The following CLASP1 variants were observed in gnomAD, a reference collection of about 807,000 sequenced individuals.
CLASP1 encodes the protein cytoplasmic linker associated protein 1.
A neutral mutation model predicts 192.3 loss-of-function variants in CLASP1; 38 were observed. That is an observed-to-expected ratio of 0.20 (90% CI 0.15 to 0.26). The LOEUF (loss-of-function observed/expected upper bound fraction) is 0.26. Among genes scored for constraint, CLASP1 ranks in the 10% least tolerant of loss-of-function variants. The pLI, the probability that CLASP1 is intolerant of heterozygous loss-of-function variation, is 1.00. For missense variants in CLASP1, 1,433 were observed against 1,932.5 expected (o/e 0.74, Z 4.85); for synonymous variants, 691 against 712.8 (o/e 0.97, Z 0.49).
chr2:121,623,623 T>C (rs1576549835), intron 1 of CLASP1, among the ~76,000 whole-genome samples: 1 of 152,360 alleles, frequency 6.6e-6, no homozygotes, highest in East Asian at 1.9e-4. Flanking sequence ...CTTCTTTAAA[T>C]ATTTGGTAGA....
At chr2:121,503,326 C>T in intron 7 of CLASP1, 92 bp from the exon 8 acceptor site, 1 of 736,254 alleles carries the variant, frequency 1.4e-6, no homozygotes, top group South Asian at 1.7e-5. Flanking sequence ...TCCCCACTCC[C>T]CATCAAAAAA....
At chr2:121,594,843 G>GA (rs1241116867) in intron 2 of CLASP1, among the ~76,000 whole-genome samples, 6 of 152,106 alleles carry the variant, frequency 3.9e-5, no homozygotes, top group Non-Finnish European at 5.9e-5. Flanking sequence ...TAATAATAGA[G>GA]AAAACAAGAC....
exon 40 of CLASP1, chr2:121,340,756 T>A: frequency 1.3e-6 from 1 of 752,954 alleles, no homozygotes; most frequent in Non-Finnish European, 2.2e-6. Flanking sequence ...TAAATATTTG[T>A]GGGCCTCCTT....
At chr2:121,464,340 T>C (rs919670758) in intron 9 of CLASP1, among the ~76,000 whole-genome samples, 10 of 152,116 alleles carry the variant, frequency 6.6e-5, no homozygotes, top group African/African-American at 1.9e-4. Context: ...GCATGATTTA[T>C]AGTCCTTTGG....
Position 121,425,127 on chromosome 2 carries a change from G to A in CLASP1, c.2212+12C>T, listed in dbSNP as rs1370701284. 6.3e-7 allele frequency: 1 copy of A among 1,592,512 alleles called. No homozygotes were observed. The highest frequency in any genetic ancestry group is 2.3e-5 in the East Asian group (1 of 44,418). Reference sequence around the variant, plus strand: ...CTGGGAATGGTATTCCAAGATCTTTGAGAATCCTTACCTAATCCTATTCGG... The same window carrying A: ...CTGGGAATGGTATTCCAAGATCTTTAAGAATCCTTACCTAATCCTATTCGG... On this transcript the variant is annotated intron_variant, in intron 22 of 39. Coordinates refer to ENST00000263710, the Ensembl canonical transcript of CLASP1.
intron 2 of CLASP1, among the ~76,000 whole-genome samples, chr2:121,589,011 T>G (rs1050022977): frequency 6.6e-6 from 1 of 152,178 alleles, no homozygotes; most frequent in African/African-American, 2.4e-5. Flanking sequence ...AGTCTTCTGA[T>G]AGTGGAGCTG....
intron 1 of CLASP1, among the ~76,000 whole-genome samples, chr2:121,632,159 G>T (rs1359672747): frequency 5.3e-5 from 8 of 152,300 alleles, no homozygotes; most frequent in African/African-American, 1.9e-4. Context: ...TGGGAGGATG[G>T]TTGGAGCCTG....
At chr2:121,542,543 G>A (rs550623994) in intron 2 of CLASP1, among the ~76,000 whole-genome samples, 22 of 152,268 alleles carry the variant, frequency 1.4e-4, no homozygotes, top group African/African-American at 3.6e-4. Context: ...ACACATGTAC[G>A]ATGGCAGAAG....
rs772360964 is a variant in CLASP1, at chr2:121,530,918, G to C, written c.196-593C>G. Reference sequence around the variant, plus strand: ...TTGGGGTTGCGCTACTGTCCAATGAGCGCATAGTGAGGGCAGTACTGCTAA... The same window carrying C: ...TTGGGGTTGCGCTACTGTCCAATGACCGCATAGTGAGGGCAGTACTGCTAA... On this transcript the variant is annotated intron_variant, in intron 2 of 39. Transcript: ENST00000263710. 9 of 699,626 alleles carry C rather than the reference G, an allele frequency of 1.3e-5. No homozygotes were observed. Among genetic ancestry groups the C allele is most frequent in the Non-Finnish European group, 1.8e-5 (7 of 384,282 alleles). The allele number at this position is 699,626 out of a possible 1,614,324, so 43.3% of individuals were successfully genotyped here.
At chr2:121,406,591 AT>A (rs967513790) in intron 25 of CLASP1, among the ~76,000 whole-genome samples, 1 of 151,616 alleles carries the variant, frequency 6.6e-6, no homozygotes, top group South Asian at 2.1e-4. Flanking sequence ...TTATTTTTTT[AT>A]TTTTTTTATT....
At chr2:121,597,875 C>A (rs72972737) in intron 2 of CLASP1, among the ~76,000 whole-genome samples, 14 of 152,298 alleles carry the variant, frequency 9.2e-5, no homozygotes, top group Non-Finnish European at 1.3e-4. Context: ...AAGTCCCCCC[C>A]CAATTCCCTC....
intron 8 of CLASP1, among the ~76,000 whole-genome samples, chr2:121,489,949 G>T (rs2093209678): frequency 6.6e-6 from 1 of 152,098 alleles, no homozygotes; most frequent in Non-Finnish European, 1.5e-5. Flanking sequence ...ATTGCAAATA[G>T]ATTTATGTTC....
intron 35 of CLASP1, among the ~76,000 whole-genome samples, chr2:121,366,819 A>C (rs1392834592): frequency 6.6e-6 from 1 of 152,238 alleles, no homozygotes; most frequent in African/African-American, 2.4e-5. Context: ...AGAGGTGAAA[A>C]AATAATTCAG....
At chr2:121,487,939 A>G (rs2150128655) in intron 8 of CLASP1, among the ~76,000 whole-genome samples, 1 of 152,308 alleles carries the variant, frequency 6.6e-6, no homozygotes, top group African/African-American at 2.4e-5. Context: ...AAAGCATTCT[A>G]GCTTTGGCTA....
intron 1 of CLASP1, among the ~76,000 whole-genome samples, chr2:121,618,059 C>G (rs2066741790): frequency 6.6e-6 from 1 of 152,202 alleles, no homozygotes; most frequent in African/African-American, 2.4e-5. Context: ...CATTGGAAGG[C>G]CATTCTAGGG....
chr2:121,418,037 T>C (rs1020157185), intron 23 of CLASP1, among the ~76,000 whole-genome samples: 16 of 152,234 alleles, frequency 1.1e-4, no homozygotes, highest in Admixed American at 6.5e-4. Context: ...ATACAAAATA[T>C]TCCTTTTCAC....
intron 8 of CLASP1, among the ~76,000 whole-genome samples, chr2:121,486,482 T>A (rs1283127961): frequency 2.0e-5 from 3 of 152,160 alleles, no homozygotes; most frequent in African/African-American, 7.2e-5. Context: ...CTCCCTTTGA[T>A]CACAGTACTT....
chr2:121,415,471 TAGTG>T (rs1390608343), intron 23 of CLASP1, among the ~76,000 whole-genome samples: 5 of 152,226 alleles, frequency 3.3e-5, no homozygotes, highest in African/African-American at 1.2e-4. Context: ...CAAGTATTCT[TAGTG>T]AGCATATTAC....
intron 2 of CLASP1, among the ~76,000 whole-genome samples, chr2:121,596,636 G>A (rs10496573): frequency 0.23 from 35,036 of 152,006 alleles, 6,053 homozygotes; most frequent in African/African-American, 0.48. Context: ...AGTCTACCAA[G>A]GAAGTGCTAA....
Sources: allele counts gnomAD v4.1 joint callset (sites outside exome capture counted in the v4.1 genomes callset), GRCh38; gene constraint gnomAD v4.1.1; transcripts MANE v1.5; gene names NCBI Gene and HGNC (gene_info 2026-07-23, HGNC 2026-07-21).